ANKRD44: variants seen among roughly 807,000 people sequenced by gnomAD.
The protein encoded by ANKRD44 is serine/threonine-protein phosphatase 6 regulatory ankyrin repeat subunit B.
A neutral mutation model predicts 116.0 loss-of-function variants in ANKRD44; 35 were observed. That is an observed-to-expected ratio of 0.30 (90% CI 0.23 to 0.40). ANKRD44 has a LOEUF of 0.40. Among genes scored for constraint, ANKRD44 ranks in the 10% least tolerant of loss-of-function variants. The pLI, the probability that ANKRD44 is intolerant of heterozygous loss-of-function variation, is 1.00. For missense variants in ANKRD44, 1,014 were observed against 1,242.6 expected (o/e 0.82, Z 2.77); for synonymous variants, 435 against 461.8 (o/e 0.94, Z 0.74).
intron 2 of ANKRD44, among the ~76,000 whole-genome samples, chr2:197,148,837 A>G (rs150706027): frequency 3.9e-5 from 6 of 152,392 alleles, no homozygotes; most frequent in African/African-American, 1.4e-4. Flanking sequence ...TAGGGCAGTC[A>G]TGCAACTATA....
chr2:197,022,112 T>C (rs2076508586), intron 17 of ANKRD44, among the ~76,000 whole-genome samples: 1 of 152,198 alleles, frequency 6.6e-6, no homozygotes, highest in Non-Finnish European at 1.5e-5. Flanking sequence ...TCTGGTTCCA[T>C]TACACTGCTA....
intron 16 of ANKRD44, among the ~76,000 whole-genome samples, chr2:197,047,660 C>G (rs2077027018): frequency 6.6e-6 from 1 of 151,868 alleles, no homozygotes; most frequent in Admixed American, 6.6e-5. Context: ...GCCTGTAATC[C>G]CAACACTTTG....
intron 16 of ANKRD44, among the ~76,000 whole-genome samples, chr2:197,068,517 T>C (rs1277829936): frequency 6.7e-6 from 1 of 150,158 alleles, no homozygotes; most frequent in East Asian, 1.9e-4. Flanking sequence ...ACCATCAGAG[T>C]GAACAGGCAA....
intron 1 of ANKRD44, among the ~76,000 whole-genome samples, chr2:197,193,892 T>G (rs1186875011): frequency 6.6e-6 from 1 of 151,714 alleles, no homozygotes; most frequent in South Asian, 2.1e-4. Context: ...AAAAAATAAA[T>G]AAATACATAA....
At chr2:196,967,563 G>C in intron 21 of ANKRD44, 1 of 393,446 alleles carries the variant, frequency 2.5e-6, no homozygotes, top group Non-Finnish European at 5.3e-6. Flanking sequence ...ATGGGGGATG[G>C]GGAATGCTCA....
intron 1 of ANKRD44, among the ~76,000 whole-genome samples, chr2:197,195,255 A>G (rs535664151): frequency 8.5e-5 from 13 of 152,328 alleles, no homozygotes; most frequent in African/African-American, 3.1e-4. Flanking sequence ...AGCTGGGATT[A>G]CAGTCATGAG....
chr2:197,073,202 A>T (rs2077596542), intron 16 of ANKRD44, among the ~76,000 whole-genome samples: 1 of 152,186 alleles, frequency 6.6e-6, no homozygotes, highest in African/African-American at 2.4e-5. Flanking sequence ...CCCTTCTGGC[A>T]GTGATGTCTT....
rs148505073 is a variant in ANKRD44, at chr2:197,214,942, A to G, written c.28-27836T>C. Among the ~76,000 whole-genome samples, 1,147 of 152,216 alleles carry G rather than the reference A, an allele frequency of 7.5e-3. 14 individuals are homozygous for G. Among genetic ancestry groups the G allele is most frequent in the African/African-American group, 0.027 (1,103 of 41,526 alleles). On this transcript the variant is annotated intron_variant, in intron 1 of 27. Coordinates refer to ENST00000282272, the MANE Select transcript of ANKRD44 (RefSeq NM_001195144.2). ...ACCCAGGCTAGAATGCAGTGGCACAATTTCCACTCACTACAACCTCTGCCT... is the reference window on the plus strand; with the variant it reads ...ACCCAGGCTAGAATGCAGTGGCACAGTTTCCACTCACTACAACCTCTGCCT...
chr2:197,068,777 A>G (rs1351010276), intron 16 of ANKRD44, among the ~76,000 whole-genome samples: 1 of 152,204 alleles, frequency 6.6e-6, no homozygotes, highest in East Asian at 1.9e-4. Flanking sequence ...TTAGAATGGC[A>G]GTCATTAAAG....
intron 21 of ANKRD44, among the ~76,000 whole-genome samples, chr2:196,972,551 A>C (rs926693450): frequency 6.6e-6 from 1 of 152,156 alleles, no homozygotes; most frequent in African/African-American, 2.4e-5. Flanking sequence ...TCATGAAGGG[A>C]TGTTTGTCAA....
intron 4 of ANKRD44, among the ~76,000 whole-genome samples, chr2:197,131,341 G>A (rs2079091226): frequency 6.6e-6 from 1 of 151,652 alleles, no homozygotes; most frequent in African/African-American, 2.4e-5. Flanking sequence ...ACAGGCGCCC[G>A]CTACCACGCC....
chr2:197,133,267 G>A (rs930389083), intron 4 of ANKRD44, among the ~76,000 whole-genome samples: 8 of 152,210 alleles, frequency 5.3e-5, no homozygotes, highest in African/African-American at 1.9e-4. Context: ...GTTGGAGGCA[G>A]TGTTAGACAG....
At chr2:197,261,810 C>A (rs993137207) in intron 1 of ANKRD44, among the ~76,000 whole-genome samples, 3 of 152,142 alleles carry the variant, frequency 2.0e-5, no homozygotes, top group African/African-American at 7.2e-5. Context: ...GAACATTTGT[C>A]ACATATCAAA....
At chr2:197,038,924 G>A (rs994039217) in intron 16 of ANKRD44, among the ~76,000 whole-genome samples, 1 of 152,104 alleles carries the variant, frequency 6.6e-6, no homozygotes, top group East Asian at 1.9e-4. Context: ...GCAAAGAATT[G>A]CTGCAGAAGC....
At chr2:197,157,044 C>A (rs2079835763) in intron 2 of ANKRD44, among the ~76,000 whole-genome samples, 1 of 152,114 alleles carries the variant, frequency 6.6e-6, no homozygotes, top group East Asian at 1.9e-4. Flanking sequence ...GTAATGGTTT[C>A]ATATGTCAAA....
At chr2:197,256,593 C>T (rs1227865505) in intron 1 of ANKRD44, among the ~76,000 whole-genome samples, 1 of 152,152 alleles carries the variant, frequency 6.6e-6, no homozygotes, top group Admixed American at 6.5e-5. Context: ...AGTTAAACAT[C>T]TACTTTTCAG....
At chr2:197,161,288 C>T (rs1574580358) in intron 2 of ANKRD44, among the ~76,000 whole-genome samples, 1 of 152,116 alleles carries the variant, frequency 6.6e-6, no homozygotes, top group African/African-American at 2.4e-5. Flanking sequence ...AATAAACCTA[C>T]ACATACTTGA....
chr2:197,266,939 T>C (rs2082756758), intron 1 of ANKRD44, among the ~76,000 whole-genome samples: 1 of 152,148 alleles, frequency 6.6e-6, no homozygotes, highest in Non-Finnish European at 1.5e-5. Flanking sequence ...AGAATTACTT[T>C]CTCTGAAAAG....
rs765645587 is a variant in ANKRD44, at chr2:196,993,661, C to A, written c.2845G>T (p.Ala949Ser). ...NNALQTPLHVAARNGLKVVVE... is the reference protein window; with the variant it reads ...NNALQTPLHVSARNGLKVVVE... ...ACCACCTTTAAGCCATTGCGCGCAG[C>A]GACGTGGAGGGGTCTAAAAAACACA... is the stretch of plus-strand genomic sequence containing the variant. The change falls in exon 27 of 28, where the codon GCT becomes TCT. Residue 949 changes from alanine (A) to serine (S), a missense_variant. Physicochemically the swap from Ala to Ser is moderately conservative, Grantham distance 99 (BLOSUM62 1). Transcript: ENST00000282272. 6.4e-7 allele frequency: 1 copy of A among 1,550,870 alleles called. No homozygotes were observed. Among genetic ancestry groups the A allele is most frequent in the South Asian group, 1.2e-5 (1 of 84,058 alleles).
Sources: gnomAD v4.1 joint callset for allele counts (sites outside exome capture counted in the v4.1 genomes callset) on GRCh38, gnomAD v4.1.1 for gene constraint, MANE v1.5 for transcripts, NCBI Gene and HGNC (gene_info 2026-07-23, HGNC 2026-07-21) for gene names.